Variants in PTPRG observed in about 807,000 individuals in gnomAD.
The protein encoded by PTPRG is protein tyrosine phosphatase receptor type G, also known as receptor-type tyrosine-protein phosphatase gamma.
A neutral mutation model predicts 165.3 loss-of-function variants in PTPRG; 102 were observed. That is an observed-to-expected ratio of 0.62 (90% CI 0.53 to 0.73). PTPRG has a LOEUF of 0.73. Ranked by LOEUF, PTPRG falls within the 30% of genes least tolerant of loss-of-function variation. PTPRG has a pLI of 0.00. For synonymous variants in PTPRG, 675 were observed against 669.5 expected (o/e 1.01, Z -0.13); for missense variants, 1,866 against 1,861.4 (o/e 1.00, Z -0.05).
chr3:61,644,340 C>T (rs12489977), intron 1 of PTPRG, among the ~76,000 whole-genome samples: 49,250 of 151,970 alleles, frequency 0.32, 9,341 homozygotes, highest in South Asian at 0.5. Flanking sequence ...TTGCATGTAC[C>T]GTTTTCCAAA....
At chr3:61,847,044 G>A (rs1283394895) in intron 2 of PTPRG, among the ~76,000 whole-genome samples, 1 of 152,132 alleles carries the variant, frequency 6.6e-6, no homozygotes, top group African/African-American at 2.4e-5. Context: ...TCGGTGTTTG[G>A]AGTGGAGTTG....
chr3:61,993,154 T>G (rs910649567), intron 3 of PTPRG, among the ~76,000 whole-genome samples: 3 of 148,328 alleles, frequency 2.0e-5, no homozygotes, highest in African/African-American at 7.4e-5. Context: ...ACCTATTTCT[T>G]TTTTTTTTTT....
At position 62,273,812 on chromosome 3, in the gene PTPRG, G is replaced by A. The variant is rs968271861; in HGVS notation, c.3433G>A (p.Gly1145Arg). 4 of 1,613,770 alleles carry A rather than the reference G, an allele frequency of 2.5e-6. No individual in the cohort carries two copies. The highest frequency in any genetic ancestry group is 1.7e-5 in the Admixed American group (1 of 59,980). The change falls in exon 23 of 30, where the codon GGA (glycine) becomes AGA (arginine). Residue 1145 changes from glycine to arginine, a missense_variant. Physicochemically the swap from Gly to Arg is moderately radical, Grantham distance 125 (BLOSUM62 -2). Transcript: ENST00000474889. This position sits in a 1 kb window ranked among gnomAD's most constrained non-coding sequence, Gnocchi z 4.1. The part of the protein sequence containing the change: ...YVNSILIPGV[G>R]GKTRLEKQFK... Reference sequence around the variant, plus strand: ...TAACAGCATCCTTATACCAGGAGTAGGAGGAAAGACACGACTGGAAAAGCA... The same window carrying A: ...TAACAGCATCCTTATACCAGGAGTAAGAGGAAAGACACGACTGGAAAAGCA...
intron 2 of PTPRG, among the ~76,000 whole-genome samples, chr3:61,778,377 C>T (rs1467400197): frequency 2.0e-5 from 3 of 152,116 alleles, no homozygotes; most frequent in Admixed American, 6.6e-5. Flanking sequence ...AGTTACAAAG[C>T]TGCACTCCTA....
chr3:61,932,855 G>A (rs1477571806), intron 2 of PTPRG, among the ~76,000 whole-genome samples: 1 of 152,148 alleles, frequency 6.6e-6, no homozygotes, highest in South Asian at 2.1e-4. Context: ...TGTTCTCCTT[G>A]TCTCAGTATT....
chr3:62,293,704 A>T lies in PTPRG; in HGVS notation c.*397A>T, dbSNP rs1702976967. 6.4e-6 allele frequency: 1 copy of T among 155,814 alleles called. No individual in the cohort carries two copies. The highest frequency in any genetic ancestry group is 6.4e-5 in the Admixed American group (1 of 15,680). 9.7% of individuals were successfully genotyped at this position (155,814 alleles called of 1,614,324 possible). ...GCTGAAGTGGTTGCATTCTACTAGC[A>T]GGCAATGCTGTACTTTTCTTCAGTC... On this transcript the variant is annotated 3_prime_UTR_variant, in exon 30 of 30. Coordinates refer to ENST00000474889, the MANE Select transcript of PTPRG (RefSeq NM_002841.4).
At chr3:61,622,474 A>G (rs936932310) in intron 1 of PTPRG, among the ~76,000 whole-genome samples, 1 of 152,074 alleles carries the variant, frequency 6.6e-6, no homozygotes, top group Non-Finnish European at 1.5e-5. Context: ...GACAGATTGC[A>G]GTACGTATTT....
intron 7 of PTPRG, among the ~76,000 whole-genome samples, chr3:62,166,769 G>A (rs1175396758): frequency 2.0e-5 from 3 of 152,022 alleles, no homozygotes; most frequent in Non-Finnish European, 4.4e-5. Context: ...GCTCATTGCA[G>A]CTTGCAACTC....
intron 5 of PTPRG, chr3:62,124,260 C>G: frequency 7.1e-7 from 1 of 1,413,928 alleles, no homozygotes; most frequent in Non-Finnish European, 1.0e-6. Flanking sequence ...AATTCAGAAG[C>G]CTGCAAGGAC....
chr3:61,987,627 A>G (rs542202570), intron 2 of PTPRG, among the ~76,000 whole-genome samples: 17 of 152,278 alleles, frequency 1.1e-4, no homozygotes, highest in African/African-American at 3.6e-4. Flanking sequence ...GAAGGCATGC[A>G]TACATACACA....
chr3:61,817,003 A>T (rs938919055), intron 2 of PTPRG, among the ~76,000 whole-genome samples: 3 of 118,738 alleles, frequency 2.5e-5, no homozygotes, highest in Non-Finnish European at 5.0e-5. Context: ...ATATTATATA[A>T]TATAAATATA....
At chr3:61,699,019 G>A (rs182118120) in intron 1 of PTPRG, among the ~76,000 whole-genome samples, 3 of 152,084 alleles carry the variant, frequency 2.0e-5, no homozygotes, top group Middle Eastern at 6.8e-3. Context: ...AGGGACTGCT[G>A]TGGGGTGGGG....
intron 9 of PTPRG, among the ~76,000 whole-genome samples, chr3:62,192,206 A>G (rs1341792318): frequency 6.6e-6 from 1 of 151,758 alleles, no homozygotes; most frequent in East Asian, 1.9e-4. Context: ...GCTGTGTAAT[A>G]TTTTATCTCT....
chr3:62,023,120 A>G (rs1373847318), intron 4 of PTPRG, among the ~76,000 whole-genome samples: 2 of 152,170 alleles, frequency 1.3e-5, no homozygotes, highest in African/African-American at 4.8e-5. Context: ...TAATGTAATG[A>G]AACAGAAAAA....
At chr3:61,743,919 C>T (rs960101917) in intron 1 of PTPRG, among the ~76,000 whole-genome samples, 3 of 152,084 alleles carry the variant, frequency 2.0e-5, no homozygotes, top group Non-Finnish European at 4.4e-5. Context: ...GGTGAGGATC[C>T]GTAAAGGCAT....
chr3:62,173,697 C>T (rs886655794), intron 8 of PTPRG, among the ~76,000 whole-genome samples: 14 of 152,172 alleles, frequency 9.2e-5, no homozygotes, highest in African/African-American at 2.7e-4. Context: ...TCTTTCACAT[C>T]AGAGGGGTAA....
chr3:61,658,425 G>A (rs1480001707), intron 1 of PTPRG, among the ~76,000 whole-genome samples: 1 of 152,156 alleles, frequency 6.6e-6, no homozygotes, highest in Non-Finnish European at 1.5e-5. Context: ...ATAGCTACAG[G>A]TTCAGGTACC....
At chr3:62,100,391 G>A (rs1373662878) in intron 5 of PTPRG, among the ~76,000 whole-genome samples, 1 of 152,002 alleles carries the variant, frequency 6.6e-6, no homozygotes, top group Non-Finnish European at 1.5e-5. Flanking sequence ...AAATAAGCAG[G>A]AGCCGTCTTT....
Position 61,918,797 on chromosome 3 carries a change from C to G in PTPRG, c.191-70828C>G, listed in dbSNP as rs912016619. ...GGATTTAAACCATTTCTCGCTACCT[C>G]TCTCCTTTGTTTTTGTCTGACACAG... On this transcript the variant is annotated intron_variant, in intron 2 of 29. Coordinates refer to ENST00000474889, the MANE Select transcript of PTPRG (RefSeq NM_002841.4). Among the ~76,000 whole-genome samples the G allele has an allele frequency of 6.6e-5, 10 of 152,166 alleles. No homozygotes were observed. The South Asian group carries it at 1.7e-3, about 25-fold the overall frequency.
Sources: allele counts gnomAD v4.1 joint callset (sites outside exome capture counted in the v4.1 genomes callset), GRCh38; gene constraint gnomAD v4.1.1; non-coding constraint Gnocchi (gnomAD v3.1); transcripts MANE v1.5; gene names NCBI Gene and HGNC (gene_info 2026-07-23, HGNC 2026-07-21).